Variants in SLX4IP observed in about 807,000 individuals in gnomAD.
The protein encoded by SLX4IP is SLX4 interacting protein, also known as protein SLX4IP.
A neutral mutation model predicts 32.9 loss-of-function variants in SLX4IP; 34 were observed. That is an observed-to-expected ratio of 1.03 (90% CI 0.79 to 1.38). SLX4IP has a LOEUF of 1.38. Among genes scored for constraint, SLX4IP ranks in the 40% most tolerant of loss-of-function variants. SLX4IP has a pLI of 0.00. For missense variants in SLX4IP, 444 were observed against 479.0 expected (o/e 0.93, Z 0.68); for synonymous variants, 172 against 171.7 (o/e 1.00, Z -0.01).
intron 2 of SLX4IP, among the ~76,000 whole-genome samples, chr20:10,471,237 C>T (rs1300980358): frequency 6.6e-6 from 1 of 152,128 alleles, no homozygotes; most frequent in Non-Finnish European, 1.5e-5. Flanking sequence ...TAGTCTAATT[C>T]TTTTCATATG....
At chr20:10,507,962 T>G (rs932450617) in intron 2 of SLX4IP, among the ~76,000 whole-genome samples, 4 of 151,642 alleles carry the variant, frequency 2.6e-5, no homozygotes, top group Non-Finnish European at 2.9e-5. Flanking sequence ...TATGTGTATA[T>G]TTGATATATA....
intron 2 of SLX4IP, among the ~76,000 whole-genome samples, chr20:10,507,250 C>T (rs913834908): frequency 2.0e-5 from 3 of 152,076 alleles, no homozygotes; most frequent in Admixed American, 6.6e-5. Flanking sequence ...AACTAAAACC[C>T]GGAAGATGTG....
At chr20:10,609,109 AC>A (rs2066938404) in intron 6 of SLX4IP, among the ~76,000 whole-genome samples, 1 of 152,074 alleles carries the variant, frequency 6.6e-6, no homozygotes, top group Non-Finnish European at 1.5e-5. Flanking sequence ...AGCAGCGACC[AC>A]CCAGCTCAAC....
At chr20:10,521,468 A>T (rs1384485638) in intron 2 of SLX4IP, among the ~76,000 whole-genome samples, 1 of 152,044 alleles carries the variant, frequency 6.6e-6, no homozygotes, top group East Asian at 1.9e-4. Flanking sequence ...TCTGTAGGAG[A>T]TCCTTTACAT....
At chr20:10,601,658 A>G in intron 5 of SLX4IP, 73 bp from the exon 6 acceptor site, 3 of 1,318,792 alleles carry the variant, frequency 2.3e-6, no homozygotes, top group Non-Finnish European at 3.2e-6. Context: ...AAAATGAACA[A>G]AAATCTGGAA....
intron 2 of SLX4IP, among the ~76,000 whole-genome samples, chr20:10,542,294 T>C (rs1402863305): frequency 6.6e-6 from 1 of 152,214 alleles, no homozygotes; most frequent in Non-Finnish European, 1.5e-5. Flanking sequence ...GTCCTGCTGG[T>C]CTGATCGTCT....
At chr20:10,563,916 T>C (rs2066359637) in intron 4 of SLX4IP, among the ~76,000 whole-genome samples, 2 of 152,206 alleles carry the variant, frequency 1.3e-5, no homozygotes, top group Non-Finnish European at 2.9e-5. Context: ...CAAATTATAG[T>C]GTTACTTTCT....
At chr20:10,477,853 A>T (rs1434141772) in intron 2 of SLX4IP, among the ~76,000 whole-genome samples, 1 of 151,340 alleles carries the variant, frequency 6.6e-6, no homozygotes, top group Non-Finnish European at 1.5e-5. Context: ...TCAGCTGCTT[A>T]AGATGTGAAA....
intron 4 of SLX4IP, among the ~76,000 whole-genome samples, chr20:10,571,255 A>G (rs1204022755): frequency 2.0e-5 from 3 of 152,134 alleles, no homozygotes; most frequent in Non-Finnish European, 2.9e-5. Context: ...TGGACAAGCC[A>G]GTTGCCCAGG....
At chr20:10,580,892 G>A (rs1260977912) in intron 4 of SLX4IP, among the ~76,000 whole-genome samples, 4 of 152,032 alleles carry the variant, frequency 2.6e-5, no homozygotes, top group African/African-American at 9.7e-5. Flanking sequence ...CCAGTTTGCT[G>A]CCAAACTGCC....
chr20:10,571,847 T>C (rs1313285196), intron 4 of SLX4IP, among the ~76,000 whole-genome samples: 1 of 152,198 alleles, frequency 6.6e-6, no homozygotes, highest in Non-Finnish European at 1.5e-5. Flanking sequence ...GAGATGAAAG[T>C]GGCCTGTGAA....
At chr20:10,449,787 A>G (rs2065227450) in intron 1 of SLX4IP, among the ~76,000 whole-genome samples, 1 of 152,212 alleles carries the variant, frequency 6.6e-6, no homozygotes. Flanking sequence ...CTTCCCAGGT[A>G]GCCTATTTTA....
intron 2 of SLX4IP, among the ~76,000 whole-genome samples, chr20:10,529,027 T>A (rs2065962897): frequency 6.6e-6 from 1 of 152,244 alleles, no homozygotes; most frequent in African/African-American, 2.4e-5. Flanking sequence ...GATACGTCAG[T>A]GAATTGTTCA....
intron 2 of SLX4IP, among the ~76,000 whole-genome samples, chr20:10,515,079 CTT>C (rs35576843): frequency 1.2e-5 from 1 of 82,890 alleles, no homozygotes; most frequent in Admixed American, 1.8e-4. Context: ...TAAGTTGAAG[CTT>C]TTTTTTTTTT....
At chr20:10,617,468 CG>C (rs1568775602) in intron 6 of SLX4IP, among the ~76,000 whole-genome samples, 2 of 152,060 alleles carry the variant, frequency 1.3e-5, no homozygotes, top group Admixed American at 6.6e-5. Context: ...TTTTCTCTGC[CG>C]TTTTAGGCCA....
At chr20:10,492,625 T>C (rs1490941445) in intron 2 of SLX4IP, among the ~76,000 whole-genome samples, 2 of 152,334 alleles carry the variant, frequency 1.3e-5, no homozygotes, top group East Asian at 3.9e-4. Flanking sequence ...TCCAGTGTCT[T>C]TGTTGAAAAG....
chr20:10,437,153 T>TG (rs2065122255), intron 1 of SLX4IP, among the ~76,000 whole-genome samples: 2 of 152,094 alleles, frequency 1.3e-5, no homozygotes, highest in Non-Finnish European at 2.9e-5. Flanking sequence ...TGAGACAGGG[T>TG]ATAACCCTGT....
intron 2 of SLX4IP, among the ~76,000 whole-genome samples, chr20:10,494,538 TA>T (rs1236794648): frequency 1.3e-5 from 2 of 152,082 alleles, no homozygotes; most frequent in African/African-American, 4.8e-5. Context: ...TTTAATTAAA[TA>T]AAACTCTGTA....
At chr20:10,617,572 A>G (rs1178107308) in intron 6 of SLX4IP, among the ~76,000 whole-genome samples, 1 of 151,438 alleles carries the variant, frequency 6.6e-6, no homozygotes, top group East Asian at 1.9e-4. Context: ...GTTTATCCAC[A>G]GTTTCAATGT....
Sources: allele counts gnomAD v4.1 joint callset (sites outside exome capture counted in the v4.1 genomes callset), GRCh38; gene constraint gnomAD v4.1.1; transcripts MANE v1.5; gene names NCBI Gene and HGNC (gene_info 2026-07-23, HGNC 2026-07-21).